The following RIT2 variants were observed in gnomAD, a reference collection of about 807,000 sequenced individuals.
RIT2 encodes Ras like without CAAX 2.
In RIT2, 24 loss-of-function variants were observed where a neutral mutation model predicts 23.7. The ratio of observed to expected loss-of-function variants is 1.01; its 90% CI spans 0.73 to 1.43. The LOEUF (loss-of-function observed/expected upper bound fraction) is 1.43. Among genes scored for constraint, RIT2 ranks in the 40% most tolerant of loss-of-function variants. The pLI is 0.00. For missense variants in RIT2, 236 were observed against 266.9 expected (o/e 0.88, Z 0.81); for synonymous variants, 107 against 91.1 (o/e 1.17, Z -0.99).
At chr18:42,958,377 C>G (rs1910021895) in intron 3 of RIT2, among the ~76,000 whole-genome samples, 1 of 152,056 alleles carries the variant, frequency 6.6e-6, no homozygotes, top group Non-Finnish European at 1.5e-5. Flanking sequence ...CATTCAGCAG[C>G]TAGAAATGTC....
intron 1 of RIT2, among the ~76,000 whole-genome samples, chr18:43,047,434 C>A (rs1478660925): frequency 6.6e-6 from 1 of 152,038 alleles, no homozygotes; most frequent in Non-Finnish European, 1.5e-5. Context: ...TGCCAAATCA[C>A]TCCCTCTACT....
intron 1 of RIT2, among the ~76,000 whole-genome samples, chr18:43,101,830 C>T (rs1913691642): frequency 6.6e-6 from 1 of 152,012 alleles, no homozygotes; most frequent in Admixed American, 6.6e-5. Context: ...TGTGGGGTGG[C>T]TCTAAAGAAA....
At chr18:43,103,566 G>C (rs1479280638) in intron 1 of RIT2, among the ~76,000 whole-genome samples, 7 of 152,202 alleles carry the variant, frequency 4.6e-5, no homozygotes, top group Non-Finnish European at 8.8e-5. Flanking sequence ...GAAGAGAGAA[G>C]ATATTAGACT....
At chr18:42,777,702 A>C (rs979986444) in intron 4 of RIT2, among the ~76,000 whole-genome samples, 4 of 152,128 alleles carry the variant, frequency 2.6e-5, no homozygotes, top group Non-Finnish European at 5.9e-5. Context: ...GCTTTAGACC[A>C]CAGTCTTATT....
intron 4 of RIT2, among the ~76,000 whole-genome samples, chr18:42,886,276 A>G (rs1035645175): frequency 1.2e-4 from 19 of 152,226 alleles, no homozygotes; most frequent in African/African-American, 4.6e-4. Flanking sequence ...GAGTACTTTA[A>G]ACAGAACTCC....
chr18:43,105,555 T>C (rs1200165989), intron 1 of RIT2, among the ~76,000 whole-genome samples: 1 of 134,818 alleles, frequency 7.4e-6, no homozygotes, highest in African/African-American at 2.7e-5. Flanking sequence ...TATTGGGCAA[T>C]ATAATCTATA....
intron 4 of RIT2, among the ~76,000 whole-genome samples, chr18:42,765,155 G>A (rs571251829): frequency 1.3e-5 from 2 of 152,220 alleles, no homozygotes; most frequent in East Asian, 1.9e-4. Flanking sequence ...AATTATAGAA[G>A]CAATTAATAT....
At chr18:42,756,122 A>G (rs1223176410) in intron 4 of RIT2, among the ~76,000 whole-genome samples, 1 of 152,184 alleles carries the variant, frequency 6.6e-6, no homozygotes, top group East Asian at 1.9e-4. Flanking sequence ...TAAGAGCACA[A>G]TCAGAGGCAA....
At chr18:43,021,344 C>A (rs1911593625) in intron 2 of RIT2, among the ~76,000 whole-genome samples, 2 of 151,798 alleles carry the variant, frequency 1.3e-5, no homozygotes, top group Non-Finnish European at 1.5e-5. Flanking sequence ...ATTATCTTAC[C>A]CTGGTTAGAA....
At chr18:42,785,117 C>G (rs1234260015) in intron 4 of RIT2, among the ~76,000 whole-genome samples, 1 of 152,000 alleles carries the variant, frequency 6.6e-6, no homozygotes, top group African/African-American at 2.4e-5. Flanking sequence ...TTCATAGTCA[C>G]CTTTGGTATC....
chr18:43,042,815 A>G (rs975560823), intron 1 of RIT2, among the ~76,000 whole-genome samples: 8 of 152,216 alleles, frequency 5.3e-5, no homozygotes, highest in African/African-American at 1.4e-4. Context: ...TTACACAGTA[A>G]TAGTATGTTT....
intron 1 of RIT2, among the ~76,000 whole-genome samples, chr18:43,086,629 A>C: frequency 6.6e-6 from 1 of 152,166 alleles, no homozygotes; most frequent in East Asian, 1.9e-4. Context: ...TCTCCACAAA[A>C]GGCACTGCAC....
intron 3 of RIT2, among the ~76,000 whole-genome samples, chr18:42,954,717 C>T (rs867117518): frequency 6.6e-6 from 1 of 152,092 alleles, no homozygotes; most frequent in Middle Eastern, 3.4e-3. Context: ...ACAACGTAGC[C>T]TTCAGATGAT....
intron 1 of RIT2, among the ~76,000 whole-genome samples, chr18:43,091,274 C>A (rs1212458278): frequency 1.3e-5 from 2 of 151,642 alleles, no homozygotes; most frequent in African/African-American, 4.8e-5. Flanking sequence ...AATTGTTGTC[C>A]CCACAGTGTT....
At chr18:42,797,856 A>G (rs1011304098) in intron 4 of RIT2, among the ~76,000 whole-genome samples, 2 of 152,206 alleles carry the variant, frequency 1.3e-5, no homozygotes, top group African/African-American at 4.8e-5. Context: ...TGAAATGGCA[A>G]GGCATACAAG....
At chr18:42,954,610 G>A (rs1368979611) in intron 3 of RIT2, among the ~76,000 whole-genome samples, 1 of 151,816 alleles carries the variant, frequency 6.6e-6, no homozygotes, top group African/African-American at 2.4e-5. Context: ...TTAGTTTTTT[G>A]AGCCATCTCC....
chr18:43,050,941 T>C (rs1048293505), intron 1 of RIT2, among the ~76,000 whole-genome samples: 1 of 152,106 alleles, frequency 6.6e-6, no homozygotes, highest in Non-Finnish European at 1.5e-5. Context: ...CTGGTAAACA[T>C]AAGTAAGTGT....
At chr18:42,985,340 T>C (rs1489210616) in intron 2 of RIT2, among the ~76,000 whole-genome samples, 1 of 152,154 alleles carries the variant, frequency 6.6e-6, no homozygotes, top group East Asian at 1.9e-4. Flanking sequence ...GTAATGATGT[T>C]AGATTTTCCC....
At chr18:42,768,161 T>C (rs1400336646) in intron 4 of RIT2, among the ~76,000 whole-genome samples, 5 of 152,168 alleles carry the variant, frequency 3.3e-5, no homozygotes, top group Admixed American at 3.3e-4. Flanking sequence ...TCATTATAGA[T>C]TTATGCTCCT....
Sources: gnomAD v4.1 joint callset for allele counts (sites outside exome capture counted in the v4.1 genomes callset) on GRCh38, gnomAD v4.1.1 for gene constraint, MANE v1.5 for transcripts, NCBI Gene and HGNC (gene_info 2026-07-23, HGNC 2026-07-21) for gene names.